The following INTS6 variants were observed in gnomAD, a reference collection of about 807,000 sequenced individuals.
INTS6 encodes the protein DEAD box protein.
Under a neutral mutation model 104.9 loss-of-function variants are expected in INTS6, and 16 were observed. The observed-to-expected ratio is 0.15, with a 90% CI of 0.10 to 0.23. The LOEUF (loss-of-function observed/expected upper bound fraction) is 0.23, where lower values mean the gene tolerates loss of function less well. INTS6 is among the 10% of genes least tolerant of loss of function. INTS6 has a pLI of 1.00. For missense variants in INTS6, 584 were observed against 1,062.8 expected, an observed-to-expected ratio of 0.55 and a Z score of 6.26; for synonymous variants, 324 against 358.7, an observed-to-expected ratio of 0.90 and a Z score of 1.09.
At chr13:51,383,931 A>G (rs1956094435) in intron 7 of INTS6, 190 bp from the exon 8 acceptor site, 1 of 396,464 alleles carries the variant, frequency 2.5e-6, no homozygotes, top group African/African-American at 2.1e-5. Flanking sequence ...ATTCACAACA[A>G]AAAGATAAAC....
At chr13:51,378,536 T>C (rs1418539149) in intron 11 of INTS6, 82 bp from the exon 12 acceptor site, 4 of 746,724 alleles carry the variant, frequency 5.4e-6, no homozygotes, top group Non-Finnish European at 7.9e-6. Flanking sequence ...CTTCTATAAA[T>C]TAAATATATA....
chr13:51,449,309 G>T (rs1478968226), intron 3 of INTS6: 2 of 182,546 alleles, frequency 1.1e-5, no homozygotes, highest in Non-Finnish European at 2.1e-5. Flanking sequence ...TTCTTCTCTT[G>T]GTCAAAGTGG....
At chr13:51,345,592 C>CAA in the INTS6 span, among the ~76,000 whole-genome samples, 718 of 35,570 alleles carry the variant, frequency 0.02, 8 homozygotes, top group Non-Finnish European at 0.026. Flanking sequence ...GATTTCATCT[C>CAA]AAAAAAAAAA....
intron 4 of INTS6, among the ~76,000 whole-genome samples, chr13:51,428,426 G>A (rs112481972): frequency 0.15 from 23,329 of 151,000 alleles, 2,358 homozygotes; most frequent in Middle Eastern, 0.32. Context: ...CTGGGTTCAA[G>A]TGATTCTCCT....
chr13:51,348,111 T>C, the INTS6 span: 1 of 864,858 alleles, frequency 1.2e-6, no homozygotes, highest in Non-Finnish European at 1.8e-6. Flanking sequence ...TGCTCGGTTT[T>C]ATTGTTTCCA....
chr13:51,371,449 TTATATCCCTGTAAGTAAAAGTGA>T (rs1955800877), intron 15 of INTS6, among the ~76,000 whole-genome samples: 1 of 152,136 alleles, frequency 6.6e-6, no homozygotes, highest in Admixed American at 6.6e-5. Context: ...TGTATCAGGC[TTATATCCCTGTAAGTAAAAGTGA>T]TATATCACTT....
chr13:51,407,559 G>A (rs1436154197), intron 4 of INTS6, among the ~76,000 whole-genome samples: 1 of 152,236 alleles, frequency 6.6e-6, no homozygotes, highest in South Asian at 2.1e-4. Context: ...TCCAGGGACT[G>A]ATACCAAATA....
downstream of INTS6, among the ~76,000 whole-genome samples, chr13:51,351,673 C>T (rs576605514): frequency 3.3e-5 from 5 of 152,138 alleles, no homozygotes; most frequent in East Asian, 3.9e-4. Context: ...TTGTTTCTTG[C>T]GCTTTCGATG....
intron 5 of INTS6, among the ~76,000 whole-genome samples, chr13:51,394,720 A>G (rs1311348240): frequency 1.3e-5 from 2 of 152,200 alleles, no homozygotes; most frequent in African/African-American, 4.8e-5. Context: ...ATACATACCT[A>G]TATGAAATTA....
At chr13:51,338,015 T>C in the INTS6 span, among the ~76,000 whole-genome samples, 4 of 152,226 alleles carry the variant, frequency 2.6e-5, no homozygotes, top group African/African-American at 4.8e-5. Flanking sequence ...GTTTAGCCTA[T>C]ATAGAAAATA....
chr13:51,368,383 T>C (rs1955734160), intron 16 of INTS6, among the ~76,000 whole-genome samples: 1 of 152,154 alleles, frequency 6.6e-6, no homozygotes, highest in Admixed American at 6.6e-5. Context: ...TTCCCATTTC[T>C]GGACCACCCA....
chr13:51,372,217 G>A (rs1377444651), intron 15 of INTS6, among the ~76,000 whole-genome samples: 1 of 151,134 alleles, frequency 6.6e-6, no homozygotes, highest in Non-Finnish European at 1.5e-5. Context: ...ATAACCCCTT[G>A]TTAGGCTCTG....
At chr13:51,374,528 T>C (rs1434307179) in intron 14 of INTS6, 89 bp from the exon 15 acceptor site, 1 of 1,507,384 alleles carries the variant, frequency 6.6e-7, no homozygotes, top group Admixed American at 1.7e-5. Flanking sequence ...GGTAACTATA[T>C]TCTGTTCATA....
At chr13:51,390,053 C>T (rs944455168) in intron 5 of INTS6, among the ~76,000 whole-genome samples, 3 of 151,874 alleles carry the variant, frequency 2.0e-5, no homozygotes, top group Non-Finnish European at 4.4e-5. Context: ...CGTGAATTCC[C>T]CTTTTGTACG....
chr13:51,405,297 A>G (rs1350630120), intron 4 of INTS6, among the ~76,000 whole-genome samples: 1 of 152,168 alleles, frequency 6.6e-6, no homozygotes, highest in African/African-American at 2.4e-5. Context: ...GATGGGTTGG[A>G]TTTTAATATA....
At chr13:51,444,153 C>G (rs1456768312) in intron 3 of INTS6, 1 of 151,726 alleles carries the variant, frequency 6.6e-6, no homozygotes, top group African/African-American at 2.4e-5. Flanking sequence ...TCTCAGCTCA[C>G]TGCAACCTCC....
intron 4 of INTS6, chr13:51,421,319 T>C (rs1956892106): frequency 1.0e-6 from 1 of 985,288 alleles, no homozygotes; most frequent in Non-Finnish European, 1.2e-6. Context: ...TGAAAACCAC[T>C]GGGCTGCTCC....
rs995149694 is a variant in INTS6 at position 51,452,552 on chromosome 13, G to A, written c.-27C>T. 6.2e-7 allele frequency: 1 copy of A among 1,605,878 alleles called. No homozygotes were observed. The highest frequency in any genetic ancestry group is 8.5e-7 in the Non-Finnish European group (1 of 1,175,314). On this transcript the variant is annotated 5_prime_UTR_variant, in exon 1 of 18. Coordinates refer to ENST00000311234, the MANE Select transcript of INTS6 (RefSeq NM_012141.3). The surrounding 1 kb of genome is among the most constrained non-coding windows in gnomAD (Gnocchi z 4.2). ...GTGCTGGCCGGGGACACCGGGGCCC[G>A]AGGTGGTGGAGAAAGAGGAGATGGT...
intron 8 of INTS6, 50 bp from the exon 9 acceptor site, chr13:51,383,511 A>G (rs1956088620): frequency 1.2e-6 from 2 of 1,606,436 alleles, no homozygotes; most frequent in African/African-American, 1.3e-5. Flanking sequence ...AGAATGTTAC[A>G]TAAACCATTG....
Sources: gnomAD v4.1 joint callset for allele counts (sites outside exome capture counted in the v4.1 genomes callset) on GRCh38, gnomAD v4.1.1 for gene constraint, Gnocchi (gnomAD v3.1) non-coding constraint, MANE v1.5 for transcripts, NCBI Gene and HGNC (gene_info 2026-07-23, HGNC 2026-07-21) for gene names.